The following LARP4B variants were observed in gnomAD, a reference collection of about 807,000 sequenced individuals.
LARP4B encodes the protein la-related protein 4B.
Under a neutral mutation model 89.8 loss-of-function variants are expected in LARP4B, and 12 were observed. That is an observed-to-expected ratio of 0.13 (90% CI 0.09 to 0.22). The LOEUF (loss-of-function observed/expected upper bound fraction) is 0.22, where lower values mean the gene tolerates loss of function less well. Among genes scored for constraint, LARP4B ranks in the 10% least tolerant of loss-of-function variants. The pLI is 1.00. For synonymous variants in LARP4B, 367 were observed against 363.3 expected (o/e 1.01, Z -0.12); for missense variants, 757 against 947.7 (o/e 0.80, Z 2.64).
chr10:836,561 C>T, intron 7 of LARP4B, 55 bp from the exon 8 acceptor site: 1 of 1,131,518 alleles, frequency 8.8e-7, no homozygotes, highest in African/African-American at 1.5e-5. Flanking sequence ...TATGATATGC[C>T]AGTGGAATGT....
chr10:979,848 G>A, the LARP4B span, among the ~76,000 whole-genome samples: 20 of 152,274 alleles, frequency 1.3e-4, no homozygotes, highest in South Asian at 2.1e-4. Flanking sequence ...GTGGGCACCC[G>A]TAGTCCCAGC....
At chr10:833,249 TAAAAAA>T (rs56788542) in intron 8 of LARP4B, among the ~76,000 whole-genome samples, 105 of 52,032 alleles carry the variant, frequency 2.0e-3, no homozygotes, top group African/African-American at 4.4e-3. Flanking sequence ...TGATGAGCTT[TAAAAAA>T]AAAAAAAAAA....
chr10:851,995 G>A (rs1327118460), intron 5 of LARP4B, among the ~76,000 whole-genome samples: 1 of 152,124 alleles, frequency 6.6e-6, no homozygotes, highest in Non-Finnish European at 1.5e-5. Flanking sequence ...GAGACCGGGA[G>A]GTTGGGACTG....
chr10:948,630 C>A, the LARP4B span, among the ~76,000 whole-genome samples: 1 of 152,272 alleles, frequency 6.6e-6, no homozygotes, highest in Non-Finnish European at 1.5e-5. Flanking sequence ...CCCCACAGGA[C>A]CTTCTGCTCC....
At chr10:890,470 G>A (rs1835981247) in intron 1 of LARP4B, among the ~76,000 whole-genome samples, 1 of 152,124 alleles carries the variant, frequency 6.6e-6, no homozygotes, top group African/African-American at 2.4e-5. Flanking sequence ...TAGTACCAAC[G>A]TCTTCTTATT....
At chr10:897,164 C>A (rs1490940518) in intron 1 of LARP4B, among the ~76,000 whole-genome samples, 2 of 152,106 alleles carry the variant, frequency 1.3e-5, no homozygotes, top group Non-Finnish European at 2.9e-5. Context: ...CAGCATGGTA[C>A]TGGCATAGAC....
the LARP4B span, among the ~76,000 whole-genome samples, chr10:964,386 G>A: frequency 6.6e-6 from 1 of 151,394 alleles, no homozygotes; most frequent in Admixed American, 6.6e-5. Flanking sequence ...TTTGAAATAT[G>A]GTTTTAGTAA....
intron 6 of LARP4B, among the ~76,000 whole-genome samples, 164 bp downstream of exon 6, chr10:844,813 C>T (rs1212162604): frequency 6.6e-6 from 1 of 151,942 alleles, no homozygotes; most frequent in Non-Finnish European, 1.5e-5. Flanking sequence ...ACGTTCCATG[C>T]TCAAATGTCA....
intron 3 of LARP4B, among the ~76,000 whole-genome samples, chr10:868,121 G>A (rs922484158): frequency 1.3e-5 from 2 of 151,828 alleles, no homozygotes; most frequent in East Asian, 1.9e-4. Flanking sequence ...CTACCGATAC[G>A]AGACAGAACA....
At chr10:972,652 C>T in the LARP4B span, 3 of 457,254 alleles carry the variant, frequency 6.6e-6, no homozygotes, top group South Asian at 3.1e-5. Flanking sequence ...CTATGTAAGC[C>T]GTTTGACTGG....
chr10:860,354 C>A (rs1306646826), intron 5 of LARP4B, among the ~76,000 whole-genome samples: 1 of 152,136 alleles, frequency 6.6e-6, no homozygotes, highest in East Asian at 1.9e-4. Flanking sequence ...GGATGTGGTG[C>A]TTTAATCCAC....
chr10:981,547 T>C, the LARP4B span, among the ~76,000 whole-genome samples: 6 of 152,162 alleles, frequency 3.9e-5, no homozygotes, highest in African/African-American at 1.4e-4. Context: ...TAAAACATAT[T>C]TTAGGTACTT....
chr10:887,453 T>C (rs1045890355), intron 1 of LARP4B, among the ~76,000 whole-genome samples: 12 of 150,140 alleles, frequency 8.0e-5, no homozygotes, highest in Non-Finnish European at 5.9e-5. Context: ...CTCATACCTA[T>C]AAATCCCAGC....
At chr10:858,395 AC>A (rs1469961046) in intron 5 of LARP4B, among the ~76,000 whole-genome samples, 1 of 152,206 alleles carries the variant, frequency 6.6e-6, no homozygotes, top group Non-Finnish European at 1.5e-5. Context: ...ACAAAAATTA[AC>A]TCAAAATGAT....
rs757680889 is a variant in LARP4B at position 863,815 on chromosome 10, C to A, written c.358G>T (p.Asp120Tyr). 1.9e-6 allele frequency: 3 copies of A among 1,614,042 alleles called. No homozygotes were observed. In the African/African-American group the frequency reaches 4.0e-5, roughly 22 times the overall value. ...GCGAGAGCGTTCATGTCTGCTGGGT[C>A]CGACTCCTGCGGGTCTGGCAATGCG... The part of the protein sequence containing the change: ...NAALPDPQES[D>Y]PADMNALALG... Residue 120 changes from aspartate to tyrosine, a missense_variant, in exon 5 of 18, where the codon GAC (aspartate) becomes TAC (tyrosine). Asp to Tyr is a radical substitution (Grantham distance 160). Coordinates refer to ENST00000316157, the MANE Select transcript of LARP4B (RefSeq NM_015155.3).
At chr10:862,617 G>A (rs549901498) in intron 5 of LARP4B, among the ~76,000 whole-genome samples, 39 of 152,204 alleles carry the variant, frequency 2.6e-4, no homozygotes, top group East Asian at 3.9e-4. Context: ...AAAATTAGCC[G>A]GGCGTGGTGG....
downstream of LARP4B, chr10:807,499 C>G (rs1831598914): frequency 6.6e-6 from 1 of 152,458 alleles, no homozygotes; most frequent in Non-Finnish European, 1.5e-5. Context: ...GCTCACTGAT[C>G]TGCCCCAGGG....
chr10:853,727 G>A (rs930817647), intron 5 of LARP4B, among the ~76,000 whole-genome samples: 3 of 152,168 alleles, frequency 2.0e-5, no homozygotes, highest in Admixed American at 1.3e-4. Flanking sequence ...AAATGTTAAC[G>A]ATCATCTGAG....
At chr10:969,832 G>A in the LARP4B span, among the ~76,000 whole-genome samples, 276 of 152,310 alleles carry the variant, frequency 1.8e-3, 1 homozygote, top group Non-Finnish European at 1.2e-3. Context: ...TTATGGAGAT[G>A]TCCAAAAGAG....
Sources: allele counts gnomAD v4.1 joint callset (sites outside exome capture counted in the v4.1 genomes callset), GRCh38; gene constraint gnomAD v4.1.1; transcripts MANE v1.5; gene names NCBI Gene and HGNC (gene_info 2026-07-23, HGNC 2026-07-21).